Variants in IPP observed in about 807,000 individuals in gnomAD.
The protein encoded by IPP is actin-binding protein IPP.
In IPP, 41 loss-of-function variants were observed where a neutral mutation model predicts 64.1. That is an observed-to-expected ratio of 0.64 (90% CI 0.50 to 0.83). The LOEUF (loss-of-function observed/expected upper bound fraction) is 0.83. Ranked by LOEUF, IPP falls within the 40% of genes least tolerant of loss-of-function variation. The pLI is 0.00. For missense variants in IPP, 649 were observed against 703.0 expected (o/e 0.92, Z 0.87); for synonymous variants, 214 against 235.2 (o/e 0.91, Z 0.83).
rs764490795 is a variant in IPP at position 45,714,281 on chromosome 1, C to T, written c.1495G>A (p.Ala499Thr). ...SVGGWNETQD[A>T]LHTVEKYSFE... ...GAATATTTTTCTACAGTATGAAGAG[C>T]ATCTTGGGTCTCATTCCATCCTCCA... The change falls in exon 8 of 9, where the codon GCT becomes ACT. Residue 499 changes from alanine (A) to threonine (T), a missense_variant. Ala to Thr is a moderately conservative substitution (Grantham distance 58, BLOSUM62 0). Transcript: ENST00000396478. 2 of 1,614,014 alleles carry T rather than the reference C, an allele frequency of 1.2e-6. No individual in the cohort carries two copies. The highest frequency in any genetic ancestry group is 8.5e-7 in the Non-Finnish European group (1 of 1,179,862).
At chr1:45,701,056 A>C (rs1645443872) in intron 8 of IPP, among the ~76,000 whole-genome samples, 1 of 152,266 alleles carries the variant, frequency 6.6e-6, no homozygotes, top group Non-Finnish European at 1.5e-5. Flanking sequence ...TGGGAACTAT[A>C]GTCTACTTTG....
chr1:45,722,992 T>A (rs1271714371), intron 5 of IPP, among the ~76,000 whole-genome samples: 1 of 152,224 alleles, frequency 6.6e-6, no homozygotes, highest in African/African-American at 2.4e-5. Context: ...TGACTGCTGA[T>A]GGGTACAGTG....
chr1:45,734,814 T>C (rs1645956105), intron 3 of IPP, among the ~76,000 whole-genome samples: 1 of 152,018 alleles, frequency 6.6e-6, no homozygotes, highest in Non-Finnish European at 1.5e-5. Context: ...AGAGTCCTGC[T>C]CTGTTGCCAG....
intron 8 of IPP, among the ~76,000 whole-genome samples, chr1:45,709,275 T>C (rs1645557808): frequency 6.8e-6 from 1 of 147,976 alleles, no homozygotes; most frequent in Non-Finnish European, 1.5e-5. Context: ...CTACTAAAAA[T>C]ACAAAAAATT....
rs56338317 is a variant in IPP, at chr1:45,717,221, G to GA, written c.1187-205dup. Among the ~76,000 whole-genome samples, 400 of 95,078 alleles carry GA rather than the reference G, an allele frequency of 4.2e-3. 1 individual carries two copies. The highest frequency in any genetic ancestry group is 0.01 in the East Asian group (27 of 2,668). 62.4% of individuals were successfully genotyped at this position (95,078 alleles called of 152,430 possible). A position where few individuals can be genotyped will look rare whatever the true frequency, so the allele number is the denominator to read the frequency against. ...CTTTGCATAACTGATGCTCTTTTGA[G>GA]AAAAAAAAAAAAAAAAAAAAAAAGG... On this transcript the variant is annotated intron_variant, in intron 6 of 8. Transcript: ENST00000396478.
downstream of IPP, chr1:45,694,729 G>A (rs943751322): frequency 4.6e-5 from 21 of 458,944 alleles, no homozygotes; most frequent in Admixed American, 7.0e-4. Context: ...GCATGGTACA[G>A]ATAACAACTT....
intron 6 of IPP, 68 bp downstream of exon 6, chr1:45,719,135 T>G: frequency 6.8e-7 from 1 of 1,469,122 alleles, no homozygotes; most frequent in East Asian, 2.4e-5. Flanking sequence ...CTATTATGTA[T>G]CCACAAAAAT....
chr1:45,714,799 T>C (rs1002906855), intron 7 of IPP, among the ~76,000 whole-genome samples: 1 of 72,576 alleles, frequency 1.4e-5, no homozygotes, highest in African/African-American at 5.9e-5. Flanking sequence ...ATGGATTTTT[T>C]TTTCCCTAAA....
intron 3 of IPP, among the ~76,000 whole-genome samples, chr1:45,732,150 A>G (rs943900458): frequency 2.0e-5 from 3 of 151,950 alleles, no homozygotes; most frequent in Non-Finnish European, 4.4e-5. Context: ...ACCTGAGGTC[A>G]AGAGTTCAAG....
chr1:45,729,889 A>G (rs1645883177), intron 3 of IPP, 120 bp from the exon 4 acceptor site: 1 of 627,338 alleles, frequency 1.6e-6, no homozygotes, highest in Non-Finnish European at 2.7e-6. Flanking sequence ...TCATCAAACA[A>G]TGGTGTTTGT....
chr1:45,749,870 C>G (rs1646196626), intron 1 of IPP, among the ~76,000 whole-genome samples: 1 of 151,922 alleles, frequency 6.6e-6, no homozygotes, highest in Non-Finnish European at 1.5e-5. Context: ...GGCAATACAG[C>G]GAGCCCCCCG....
chr1:45,745,025 C>T (rs1256267527), intron 2 of IPP, among the ~76,000 whole-genome samples: 1 of 152,040 alleles, frequency 6.6e-6, no homozygotes, highest in Non-Finnish European at 1.5e-5. Context: ...TGCACCACCA[C>T]ACTCCAGCCT....
chr1:45,746,880 C>T (rs1450822425), intron 1 of IPP, among the ~76,000 whole-genome samples: 1 of 152,178 alleles, frequency 6.6e-6, no homozygotes, highest in African/African-American at 2.4e-5. Context: ...TCAATGTGTA[C>T]ACTTCCCGTA....
At chr1:45,735,591 G>C (rs1570031100) in intron 3 of IPP, among the ~76,000 whole-genome samples, 1 of 143,568 alleles carries the variant, frequency 7.0e-6, no homozygotes, top group African/African-American at 2.6e-5. Context: ...TCCTAGCTGG[G>C]ACTATATGCA....
chr1:45,702,660 G>A (rs1376944508), intron 8 of IPP, among the ~76,000 whole-genome samples: 1 of 152,066 alleles, frequency 6.6e-6, no homozygotes. Context: ...TTACCATGTT[G>A]GCCAGGCTGG....
Position 45,699,020 on chromosome 1 carries a change from C to A in IPP, c.*946G>T, listed in dbSNP as rs1007378595. On this transcript the variant is annotated 3_prime_UTR_variant, in exon 9 of 9. Transcript: ENST00000396478. ...GGGATTACAGGTGTGAGCCACCATG[C>A]CCAGCCTAAAAAAGGGAGAAATTTC... 1.3e-5 allele frequency: 13 copies of A among 984,942 alleles called. No individual in the cohort carries two copies. In the African/African-American group the frequency reaches 2.1e-4, roughly 16 times the overall value. The allele number at this position is 984,942 out of a possible 1,614,324, so 61.0% of individuals were successfully genotyped here.
intron 2 of IPP, among the ~76,000 whole-genome samples, chr1:45,742,948 T>C (rs1646086066): frequency 6.7e-6 from 1 of 149,924 alleles, no homozygotes; most frequent in Admixed American, 6.6e-5. Flanking sequence ...TATTTTTTTA[T>C]TTTTTTCGAG....
intron 2 of IPP, among the ~76,000 whole-genome samples, chr1:45,744,114 A>G (rs1646102815): frequency 6.6e-6 from 1 of 152,010 alleles, no homozygotes; most frequent in Non-Finnish European, 1.5e-5. Context: ...ACACAGACAT[A>G]CATTGTATTA....
Position 45,746,338 on chromosome 1 carries a change from G to T in IPP, c.74C>A (p.Ala25Asp), listed in dbSNP as rs756533487. ...TCCATTTCTCATCTTATTGATTTGG[G>T]CCAAGATGAGTTGGGCATGTTTATC... ...SSDKHAQLIL[A>D]QINKMRNGQH... Residue 25 changes from alanine (A) to aspartate (D), a missense_variant, in exon 2 of 9, where the codon GCC becomes GAC. Physicochemically the swap from Ala to Asp is moderately radical, Grantham distance 126. Transcript: ENST00000396478. 6.2e-7 allele frequency: 1 copy of T among 1,613,794 alleles called. No individual in the cohort carries two copies. Among genetic ancestry groups the T allele is most frequent in the African/African-American group, 1.3e-5 (1 of 75,024 alleles).
Sources: gnomAD v4.1 joint callset for allele counts (sites outside exome capture counted in the v4.1 genomes callset) on GRCh38, gnomAD v4.1.1 for gene constraint, MANE v1.5 for transcripts, NCBI Gene and HGNC (gene_info 2026-07-23, HGNC 2026-07-21) for gene names.